The following ROBO2 variants were observed in gnomAD, a reference collection of about 807,000 sequenced individuals.
ROBO2 encodes the protein roundabout guidance receptor 2.
A neutral mutation model predicts 160.8 loss-of-function variants in ROBO2; 53 were observed. That is an observed-to-expected ratio of 0.33 (90% CI 0.26 to 0.41). The LOEUF (loss-of-function observed/expected upper bound fraction) is 0.41. ROBO2 is among the 10% of genes least tolerant of loss of function. The probability of loss-of-function intolerance (pLI) is 1.00; values close to 1 mark genes in which losing one functional copy is unlikely to be tolerated. For missense variants in ROBO2, 1,577 were observed against 1,722.4 expected, an observed-to-expected ratio of 0.92 and a Z score of 1.49; for synonymous variants, 664 against 611.7, an observed-to-expected ratio of 1.09 and a Z score of -1.26.
At chr3:77,314,520 G>T (rs143236173) in intron 2 of ROBO2, among the ~76,000 whole-genome samples, 4 of 152,242 alleles carry the variant, frequency 2.6e-5, no homozygotes, top group Non-Finnish European at 5.9e-5. Context: ...GATTCAACAG[G>T]ATTAAAATTT....
At chr3:77,150,029 T>C (rs1210184650) in intron 2 of ROBO2, among the ~76,000 whole-genome samples, 3 of 152,200 alleles carry the variant, frequency 2.0e-5, no homozygotes, top group Non-Finnish European at 4.4e-5. Context: ...TTGTTCCTGA[T>C]TTTTTCCTTT....
intron 5 of ROBO2, among the ~76,000 whole-genome samples, chr3:77,515,274 G>A (rs974510643): frequency 1.3e-5 from 2 of 151,528 alleles, no homozygotes; most frequent in African/African-American, 4.8e-5. Flanking sequence ...ATAGTGGGTC[G>A]GTGATGTTGG....
At chr3:77,004,331 G>T (rs2061475792) in intron 2 of ROBO2, among the ~76,000 whole-genome samples, 2 of 152,186 alleles carry the variant, frequency 1.3e-5, no homozygotes, top group Non-Finnish European at 2.9e-5. Context: ...GAAGAAAGAG[G>T]TATAAAGAAA....
intron 2 of ROBO2, among the ~76,000 whole-genome samples, chr3:76,825,241 A>C (rs1260681715): frequency 6.6e-6 from 1 of 152,136 alleles, no homozygotes; most frequent in East Asian, 1.9e-4. Flanking sequence ...TAAACAGGAC[A>C]AACAAGAATG....
intron 2 of ROBO2, among the ~76,000 whole-genome samples, chr3:76,785,751 C>T (rs2062933170): frequency 6.6e-6 from 1 of 151,152 alleles, no homozygotes; most frequent in Non-Finnish European, 1.5e-5. Context: ...CAGAAATGTC[C>T]AAGAGTGCCA....
intron 2 of ROBO2, among the ~76,000 whole-genome samples, chr3:76,966,114 G>A (rs1046073449): frequency 4.0e-5 from 6 of 151,670 alleles, no homozygotes; most frequent in East Asian, 2.0e-4. Context: ...TAGAGACGGG[G>A]TTTCTCCATG....
At chr3:77,313,526 C>A (rs1170714134) in intron 2 of ROBO2, among the ~76,000 whole-genome samples, 2 of 152,064 alleles carry the variant, frequency 1.3e-5, no homozygotes, top group Non-Finnish European at 2.9e-5. Flanking sequence ...TCCCTGCTTT[C>A]CCCAACCATT....
intron 2 of ROBO2, among the ~76,000 whole-genome samples, chr3:76,056,404 G>A (rs940711684): frequency 5.9e-5 from 9 of 151,836 alleles, no homozygotes; most frequent in Admixed American, 1.3e-4. Flanking sequence ...TTTAAATTGC[G>A]TGATATTTTC....
At chr3:76,262,580 C>T (rs1474935518) in intron 2 of ROBO2, among the ~76,000 whole-genome samples, 2 of 152,122 alleles carry the variant, frequency 1.3e-5, no homozygotes, top group Non-Finnish European at 2.9e-5. Flanking sequence ...GGTCCCCCTA[C>T]TTATATACTT....
chr3:76,670,112 C>T (rs570318066), intron 2 of ROBO2, among the ~76,000 whole-genome samples: 10 of 152,188 alleles, frequency 6.6e-5, no homozygotes, highest in Admixed American at 6.5e-5. Context: ...CATTTGTTTG[C>T]ATTTATGCAA....
intron 2 of ROBO2, among the ~76,000 whole-genome samples, chr3:76,452,275 A>C (rs867175780): frequency 7.2e-5 from 11 of 151,998 alleles, no homozygotes; most frequent in East Asian, 1.9e-4. Context: ...GTGCTGCACC[A>C]ATTAACTCAT....
intron 2 of ROBO2, among the ~76,000 whole-genome samples, chr3:76,484,551 G>A (rs2079388569): frequency 6.6e-6 from 1 of 152,080 alleles, no homozygotes; most frequent in South Asian, 2.1e-4. Flanking sequence ...CTCCCCAGGA[G>A]AAGTTGAAAT....
chr3:77,296,562 C>T (rs763361458), intron 2 of ROBO2, among the ~76,000 whole-genome samples: 23 of 152,018 alleles, frequency 1.5e-4, no homozygotes, highest in Non-Finnish European at 2.6e-4. Context: ...TACCCGAGTC[C>T]CATGTCTAGA....
chr3:77,051,084 C>T (rs1214528850), intron 1 of ROBO2, among the ~76,000 whole-genome samples: 1 of 151,626 alleles, frequency 6.6e-6, no homozygotes, highest in Admixed American at 6.6e-5. Context: ...AGTTGTCATT[C>T]AGTTGAGGTT....
chr3:76,650,988 C>G (rs760430376), intron 2 of ROBO2, among the ~76,000 whole-genome samples: 5 of 152,070 alleles, frequency 3.3e-5, no homozygotes, highest in Non-Finnish European at 7.4e-5. Context: ...ATATTTCCAC[C>G]ATTACAAAGT....
chr3:77,558,522 A>G (rs1262704699), intron 9 of ROBO2, among the ~76,000 whole-genome samples: 1 of 152,100 alleles, frequency 6.6e-6, no homozygotes, highest in Non-Finnish European at 1.5e-5. Flanking sequence ...AAGGAAATGT[A>G]GATAAAGTGG....
intron 2 of ROBO2, among the ~76,000 whole-genome samples, chr3:76,930,252 C>T (rs2077251000): frequency 1.3e-5 from 2 of 152,016 alleles, no homozygotes; most frequent in Admixed American, 6.6e-5. Context: ...AGTGATCTGC[C>T]CACCTCTGCC....
intron 1 of ROBO2, among the ~76,000 whole-genome samples, chr3:77,086,458 A>G (rs1473181014): frequency 1.3e-5 from 2 of 152,190 alleles, no homozygotes; most frequent in African/African-American, 2.4e-5. Flanking sequence ...TCCTACTGAC[A>G]GATGATTTCT....
intron 2 of ROBO2, among the ~76,000 whole-genome samples, chr3:76,978,948 A>ATTTT (rs1559792542): frequency 8.7e-4 from 130 of 149,202 alleles, no homozygotes; most frequent in African/African-American, 3.0e-3. Context: ...GTTTTTTAAA[A>ATTTT]AAAAAAAAAA....
Sources: gnomAD v4.1 joint callset for allele counts (sites outside exome capture counted in the v4.1 genomes callset) on GRCh38, gnomAD v4.1.1 for gene constraint, MANE v1.5 for transcripts, NCBI Gene and HGNC (gene_info 2026-07-23, HGNC 2026-07-21) for gene names.